The following CDC42BPA variants were observed in gnomAD, a reference collection of about 807,000 sequenced individuals.
CDC42BPA encodes CDC42 binding protein kinase alpha.
CDC42BPA carries 80 observed loss-of-function variants against 223.5 expected under a neutral mutation model. That is an observed-to-expected ratio of 0.36 (90% CI 0.30 to 0.43). The LOEUF is 0.43. CDC42BPA is among the 20% of genes least tolerant of loss of function. The pLI is 1.00. For missense variants in CDC42BPA, 1,743 were observed against 2,099.9 expected (o/e 0.83, Z 3.32); for synonymous variants, 694 against 718.6 (o/e 0.97, Z 0.55).
chr1:227,189,124 T>C (rs1185466470), intron 5 of CDC42BPA, among the ~76,000 whole-genome samples: 1 of 152,200 alleles, frequency 6.6e-6, no homozygotes, highest in Non-Finnish European at 1.5e-5. Flanking sequence ...CTCTCCACCC[T>C]ACTCTCTTTA....
At chr1:227,243,388 G>C (rs1024549902) in intron 2 of CDC42BPA, among the ~76,000 whole-genome samples, 2 of 137,878 alleles carry the variant, frequency 1.5e-5, no homozygotes, top group Non-Finnish European at 3.2e-5. Flanking sequence ...GGCACACATA[G>C]GGGCCCAACT....
intron 4 of CDC42BPA, among the ~76,000 whole-genome samples, chr1:227,198,589 G>A (rs1470944493): frequency 6.6e-6 from 1 of 151,968 alleles, no homozygotes; most frequent in African/African-American, 2.4e-5. Flanking sequence ...TAAAAGACTA[G>A]TAATGACACT....
chr1:227,285,910 C>G (rs915001880), intron 1 of CDC42BPA, among the ~76,000 whole-genome samples: 6 of 152,130 alleles, frequency 3.9e-5, no homozygotes, highest in Non-Finnish European at 8.8e-5. Context: ...GAGAGAAGAA[C>G]AGCATCCTGA....
chr1:227,149,577 AT>A (rs1185068977), intron 6 of CDC42BPA, among the ~76,000 whole-genome samples: 1 of 152,238 alleles, frequency 6.6e-6, no homozygotes, highest in Non-Finnish European at 1.5e-5. Context: ...ACCTAAAAAA[AT>A]CAACAAACAC....
intron 1 of CDC42BPA, among the ~76,000 whole-genome samples, chr1:227,310,876 A>G (rs1434259739): frequency 6.6e-6 from 1 of 151,416 alleles, no homozygotes; most frequent in Non-Finnish European, 1.5e-5. Context: ...AATTTTTAGT[A>G]GAGACGCGGT....
intron 16 of CDC42BPA, among the ~76,000 whole-genome samples, chr1:227,086,686 C>CTT (rs58206079): frequency 7.0e-6 from 1 of 142,526 alleles, no homozygotes. Context: ...TTTTTTTTTC[C>CTT]TTTTTTTTTT....
At chr1:227,247,756 C>A (rs547916761) in intron 2 of CDC42BPA, among the ~76,000 whole-genome samples, 73 of 151,960 alleles carry the variant, frequency 4.8e-4, no homozygotes, top group Non-Finnish European at 8.4e-4. Flanking sequence ...GTGGTATGCA[C>A]CTGTAGTCCC....
intron 4 of CDC42BPA, among the ~76,000 whole-genome samples, chr1:227,195,958 A>G (rs1284790793): frequency 6.6e-6 from 1 of 152,216 alleles, no homozygotes; most frequent in Admixed American, 6.5e-5. Flanking sequence ...GATAATTCAC[A>G]TAAGAGGGAA....
At chr1:227,155,763 T>C (rs1662632968) in intron 6 of CDC42BPA, among the ~76,000 whole-genome samples, 1 of 152,168 alleles carries the variant, frequency 6.6e-6, no homozygotes, top group Non-Finnish European at 1.5e-5. Context: ...AAAAAAACTA[T>C]GACACGACGA....
At chr1:227,009,926 G>C (rs1483732261) in intron 34 of CDC42BPA, among the ~76,000 whole-genome samples, 1 of 152,006 alleles carries the variant, frequency 6.6e-6, no homozygotes, top group Non-Finnish European at 1.5e-5. Context: ...CCATCCTACA[G>C]CTAATTTTCT....
chr1:227,129,217 C>G lies in CDC42BPA; in HGVS notation c.1405G>C (p.Val469Leu). 3 of 1,588,428 alleles carry G rather than the reference C, an allele frequency of 1.9e-6. No individual in the cohort carries two copies. Among genetic ancestry groups the G allele is most frequent in the Non-Finnish European group, 1.7e-6 (2 of 1,168,276 alleles). Residue 469 changes from valine to leucine, a missense_variant, in exon 11 of 37, where the codon GTC (valine) becomes CTC (leucine). By Grantham distance (32) the Val-to-Leu change is conservative. This residue lies in a region of CDC42BPA where 464 missense variants were observed against 488.0 expected (regional missense o/e 0.95). Coordinates refer to ENST00000366766, the MANE Select transcript of CDC42BPA (RefSeq NM_001394014.1). ...SRKLQESTQTVQALQYSTVDG... is the reference protein window; with the variant it reads ...SRKLQESTQTLQALQYSTVDG... ...ACAGTTGAATACTGCAGAGCTTGGA[C>G]AGTCTGTGTTGACTCTTTAAAAAAA...
intron 1 of CDC42BPA, among the ~76,000 whole-genome samples, chr1:227,316,743 A>C (rs1242747671): frequency 6.6e-6 from 1 of 152,204 alleles, no homozygotes; most frequent in African/African-American, 2.4e-5. Flanking sequence ...AAAATCTCTT[A>C]CTGTTGACCT....
intron 5 of CDC42BPA, among the ~76,000 whole-genome samples, chr1:227,163,116 GTA>G (rs1208862547): frequency 0.033 from 3,549 of 107,622 alleles, 163 homozygotes; most frequent in African/African-American, 0.11. Flanking sequence ...ATATATGTGT[GTA>G]TGTTTCCAAA....
At chr1:227,238,038 C>CA (rs35731369) in intron 2 of CDC42BPA, among the ~76,000 whole-genome samples, 52,220 of 91,184 alleles carry the variant, frequency 0.57, 14,562 homozygotes, top group Middle Eastern at 0.62. Context: ...AACTCTGTCT[C>CA]AAAAAAAAAA....
At chr1:227,140,359 T>C (rs1166444135) in intron 9 of CDC42BPA, among the ~76,000 whole-genome samples, 4 of 151,920 alleles carry the variant, frequency 2.6e-5, no homozygotes, top group African/African-American at 4.8e-5. Flanking sequence ...AAATAAAGTA[T>C]TGAAGAGGAG....
At chr1:227,140,940 T>C (rs892429056) in intron 9 of CDC42BPA, among the ~76,000 whole-genome samples, 5 of 152,108 alleles carry the variant, frequency 3.3e-5, no homozygotes, top group African/African-American at 1.2e-4. Context: ...CACTCTGATA[T>C]TAACAAGCCA....
At chr1:227,097,365 C>G (rs142061190) in intron 15 of CDC42BPA, among the ~76,000 whole-genome samples, 4 of 152,144 alleles carry the variant, frequency 2.6e-5, no homozygotes, top group Non-Finnish European at 5.9e-5. Flanking sequence ...TTATTTAGTC[C>G]TTATCTCATT....
chr1:227,100,242 C>T (rs1684772279), intron 15 of CDC42BPA, among the ~76,000 whole-genome samples: 1 of 152,160 alleles, frequency 6.6e-6, no homozygotes, highest in Non-Finnish European at 1.5e-5. Flanking sequence ...GAGGCCCACA[C>T]CTCATCTCTC....
chr1:227,127,709 G>A (rs993765487), intron 11 of CDC42BPA, among the ~76,000 whole-genome samples: 1 of 152,138 alleles, frequency 6.6e-6, no homozygotes, highest in African/African-American at 2.4e-5. Flanking sequence ...AAGTAACAGA[G>A]ATTAGATATA....
Sources: allele counts gnomAD v4.1 joint callset (sites outside exome capture counted in the v4.1 genomes callset), GRCh38; gene constraint gnomAD v4.1.1; regional missense constraint gnomAD v4.1.1; transcripts MANE v1.5; gene names NCBI Gene and HGNC (gene_info 2026-07-23, HGNC 2026-07-21).